Variants in PCNT observed in about 807,000 individuals in gnomAD.
PCNT encodes pericentrin.
Under a neutral mutation model 380.4 loss-of-function variants are expected in PCNT, and 319 were observed. The ratio of observed to expected loss-of-function variants is 0.84; its 90% CI spans 0.77 to 0.92. The LOEUF (loss-of-function observed/expected upper bound fraction) is 0.92, where lower values mean the gene tolerates loss of function less well. Ranked by LOEUF, PCNT falls within the 40% of genes least tolerant of loss-of-function variation. The probability of loss-of-function intolerance (pLI) is 0.00; values close to 1 mark genes in which losing one functional copy is unlikely to be tolerated. For missense variants in PCNT, 4,400 were observed against 4,255.3 expected (o/e 1.03, Z -0.95); for synonymous variants, 1,845 against 1,735.2 (o/e 1.06, Z -1.57).
intron 15 of PCNT, among the ~76,000 whole-genome samples, chr21:46,377,009 C>T (rs1267925255): frequency 6.6e-6 from 1 of 152,226 alleles, no homozygotes; most frequent in Non-Finnish European, 1.5e-5. Flanking sequence ...GCACAGCCCA[C>T]CTGGCACCTC....
chr21:46,324,745 C>T (rs2083308519), intron 1 of PCNT: 4 of 392,746 alleles, frequency 1.0e-5, no homozygotes, highest in African/African-American at 2.2e-5. Flanking sequence ...GGGCGGGCGG[C>T]CGGTATTCGG....
intron 25 of PCNT, 95 bp downstream of exon 25, chr21:46,399,891 T>C: frequency 9.6e-7 from 1 of 1,045,108 alleles, no homozygotes; most frequent in East Asian, 2.4e-5. Flanking sequence ...AGGGCGTCCT[T>C]CTTCACTGGC....
intron 3 of PCNT, among the ~76,000 whole-genome samples, chr21:46,341,481 T>C (rs1167599320): frequency 6.6e-6 from 1 of 152,042 alleles, no homozygotes. Context: ...CGTTTTAATA[T>C]AATTTTTATT....
chr21:46,439,029 CAT>C (rs879446221), intron 41 of PCNT, among the ~76,000 whole-genome samples: 1 of 151,862 alleles, frequency 6.6e-6, no homozygotes, highest in Admixed American at 6.6e-5. Flanking sequence ...CGGAATGTCT[CAT>C]TTTTTTTTCT....
intron 15 of PCNT, among the ~76,000 whole-genome samples, chr21:46,370,951 T>G (rs893454292): frequency 6.6e-6 from 1 of 152,116 alleles, no homozygotes; most frequent in South Asian, 2.1e-4. Context: ...AGGAGAGTGG[T>G]GTGAACCCGG....
intron 1 of PCNT, among the ~76,000 whole-genome samples, chr21:46,324,605 C>T (rs2083299093): frequency 6.7e-6 from 1 of 149,456 alleles, no homozygotes; most frequent in African/African-American, 2.4e-5. Context: ...CACGCCGGGG[C>T]GGGGTGTGGC....
In PCNT at chr21:46,445,365, T is replaced by G. The variant is rs1325056934; in HGVS notation, c.*38T>G. On this transcript the variant is annotated 3_prime_UTR_variant, in exon 47 of 47. Coordinates refer to ENST00000359568, the MANE Select transcript of PCNT (RefSeq NM_006031.6). ...GGCTCTTTCCTGCGACAATTCTATT[T>G]GAGGAAAAGATTTGTTTTTCCCTTT... 2.0e-6 allele frequency: 3 copies of G among 1,509,588 alleles called. No homozygotes were observed. In the South Asian group the frequency reaches 3.4e-5, roughly 17 times the overall value. The allele number at this position is 1,509,588 out of a possible 1,614,324, so 93.5% of individuals were successfully genotyped here.
chr21:46,391,161 A>G lies in PCNT; in HGVS notation c.4004-3A>G, dbSNP rs2086017695. The G allele has an allele frequency of 6.3e-7, 1 of 1,587,028 alleles. No individual in the cohort carries two copies. The highest frequency in any genetic ancestry group is 8.6e-7 in the Non-Finnish European group (1 of 1,166,496). On this transcript the variant is annotated splice_region_variant and splice_polypyrimidine_tract_variant and intron_variant, in intron 20 of 46. Coordinates refer to ENST00000359568, the MANE Select transcript of PCNT (RefSeq NM_006031.6). ...TGTCAGAGCATCTGTGTCTCCCACA[A>G]AGGTACCCTTGAGGGATTCAAGGTG...
In PCNT at chr21:46,441,119, G is replaced by A. The variant is rs142173709; in HGVS notation, c.9623+35G>A. 648 of 1,302,458 alleles carry A rather than the reference G, an allele frequency of 5.0e-4. 3 individuals are homozygous for A. In the African/African-American group the frequency reaches 8.2e-3, roughly 17 times the overall value. 80.7% of individuals were successfully genotyped at this position (1,302,458 alleles called of 1,614,324 possible). A position where few individuals can be genotyped will look rare whatever the true frequency, so the allele number is the denominator to read the frequency against. On this transcript the variant is annotated intron_variant, in intron 43 of 46. Coordinates refer to ENST00000359568, the MANE Select transcript of PCNT (RefSeq NM_006031.6). ...ATGACGTTCAGTCAGTGCGTTCCGCGTCTGTCTCCGTGAGTGGGCAGCACA... is the reference window on the plus strand; with the variant it reads ...ATGACGTTCAGTCAGTGCGTTCCGCATCTGTCTCCGTGAGTGGGCAGCACA...
intron 33 of PCNT, among the ~76,000 whole-genome samples, 159 bp from the exon 34 acceptor site, chr21:46,427,463 G>A (rs1295903006): frequency 1.3e-5 from 2 of 152,174 alleles, no homozygotes; most frequent in Non-Finnish European, 2.9e-5. Context: ...TGGAGACAGC[G>A]AGTGAGCTCT....
chr21:46,419,439 G>A (rs891594808), intron 31 of PCNT, among the ~76,000 whole-genome samples: 1 of 152,196 alleles, frequency 6.6e-6, no homozygotes, highest in Non-Finnish European at 1.5e-5. Context: ...GTTTAAAGTG[G>A]CATCTTCAGC....
At chr21:46,376,404 G>A (rs559384222) in intron 15 of PCNT, among the ~76,000 whole-genome samples, 10 of 152,328 alleles carry the variant, frequency 6.6e-5, no homozygotes, top group African/African-American at 2.2e-4. Context: ...GCTGGGCACC[G>A]GGAGCGCAGA....
intron 35 of PCNT, among the ~76,000 whole-genome samples, chr21:46,429,181 G>T (rs778717138): frequency 1.3e-5 from 2 of 152,158 alleles, no homozygotes; most frequent in Admixed American, 6.5e-5. Context: ...CCCTTGTCCC[G>T]GCGCCCATGC....
rs774593841 is a variant in PCNT, at chr21:46,354,078, C to T, written c.1761+10C>T. 1.4e-5 allele frequency: 23 copies of T among 1,612,428 alleles called. No homozygotes were observed. The highest frequency in any genetic ancestry group is 2.2e-5 in the East Asian group (1 of 44,884). ...GCCTGAGCGACATAAGGTAATTGGCCGCGCGCTGAGAAGTGGGGGAGTCCT... is the reference window on the plus strand; with the variant it reads ...GCCTGAGCGACATAAGGTAATTGGCTGCGCGCTGAGAAGTGGGGGAGTCCT... On this transcript the variant is annotated intron_variant, in intron 11 of 46. Transcript: ENST00000359568.
chr21:46,430,753 T>C (rs2087723526), intron 37 of PCNT, 96 bp downstream of exon 37: 1 of 1,542,666 alleles, frequency 6.5e-7, no homozygotes, highest in Non-Finnish European at 8.7e-7. Context: ...CTGTTCTTCA[T>C]GGCAGTGCAC....
Position 46,397,299 on chromosome 21 carries a change from A to C in PCNT, c.4251A>C (p.Glu1417Asp). Residue 1417 changes from glutamate to aspartate, a missense_variant, in exon 22 of 47, where the codon GAA becomes GAC. Glu to Asp is a conservative substitution (Grantham distance 45). Transcript: ENST00000359568. ...LRKEVEDLTK[E>D]QSETRKQAEK... ...AGGAAGTGGAGGATCTGACCAAAGA[A>C]CAGTCGGAGACCAGGAAGCAGGCTG... 6 of 1,614,130 alleles carry C rather than the reference A, an allele frequency of 3.7e-6. No homozygotes were observed. Among genetic ancestry groups the C allele is most frequent in the Non-Finnish European group, 5.1e-6 (6 of 1,180,010 alleles).
intron 39 of PCNT, 60 bp downstream of exon 39, chr21:46,436,208 C>G: frequency 6.3e-7 from 1 of 1,591,114 alleles, no homozygotes; most frequent in East Asian, 2.2e-5. Flanking sequence ...CTGTCCCAGA[C>G]CCGGCCCGAG....
chr21:46,401,820 C>A, intron 26 of PCNT, 99 bp downstream of exon 26: 1 of 1,065,320 alleles, frequency 9.4e-7, no homozygotes, highest in Non-Finnish European at 1.4e-6. Context: ...AGGCGATGGG[C>A]TTGTGACCAC....
chr21:46,418,020 G>T (rs138738991), intron 30 of PCNT, among the ~76,000 whole-genome samples, 184 bp from the exon 31 acceptor site: 16 of 152,284 alleles, frequency 1.1e-4, no homozygotes, highest in African/African-American at 3.6e-4. Flanking sequence ...TTCCTAAAGA[G>T]CTGTGGGTGA....
Sources: gnomAD v4.1 joint callset for allele counts (sites outside exome capture counted in the v4.1 genomes callset) on GRCh38, gnomAD v4.1.1 for gene constraint, MANE v1.5 for transcripts, NCBI Gene and HGNC (gene_info 2026-07-23, HGNC 2026-07-21) for gene names.